The following GLIS3 variants were observed in gnomAD, a reference collection of about 807,000 sequenced individuals.
The protein encoded by GLIS3 is zinc finger protein GLIS3.
GLIS3 carries 53 observed loss-of-function variants against 78.6 expected under a neutral mutation model. The ratio of observed to expected loss-of-function variants is 0.67; its 90% CI spans 0.54 to 0.85. GLIS3 has a LOEUF of 0.85. Ranked by LOEUF, GLIS3 falls within the 40% of genes least tolerant of loss-of-function variation. The probability of loss-of-function intolerance (pLI) is 0.00; values close to 1 mark genes in which losing one functional copy is unlikely to be tolerated. For missense variants in GLIS3, 1,703 were observed against 1,231.1 expected, an observed-to-expected ratio of 1.38 and a Z score of -5.74; for synonymous variants, 684 against 509.9, an observed-to-expected ratio of 1.34 and a Z score of -4.60.
rs1817691106 is a variant in GLIS3 at position 3,825,738 on chromosome 9, GGAAGGCATCT to G, written c.*2524_*2533del. The G allele has an allele frequency of 6.6e-6, 1 of 152,290 alleles. No individual in the cohort carries two copies. The highest frequency in any genetic ancestry group is 2.4e-5 in the African/African-American group (1 of 41,548). The allele number at this position is 152,290 out of a possible 1,614,324, so 9.4% of individuals were successfully genotyped here. A position where few individuals can be genotyped will look rare whatever the true frequency, so the allele number is the denominator to read the frequency against. On this transcript the variant is annotated 3_prime_UTR_variant, in exon 11 of 11. Coordinates refer to ENST00000381971, the MANE Select transcript of GLIS3 (RefSeq NM_001042413.2). Reference sequence around the variant, plus strand: ...AATCTAAGCATAGTGTGTGTAGTCTGGAAGGCATCTGAACGTGTCCTATCCTGAGGCTGCA... The same window carrying G: ...AATCTAAGCATAGTGTGTGTAGTCTGGAACGTGTCCTATCCTGAGGCTGCA...
At chr9:4,210,682 A>C (rs536820701) in intron 2 of GLIS3, among the ~76,000 whole-genome samples, 2 of 152,232 alleles carry the variant, frequency 1.3e-5, no homozygotes, top group Non-Finnish European at 2.9e-5. Context: ...CAAAATAAGG[A>C]AAGAAATACA....
At chr9:4,380,484 T>C in the GLIS3 span, among the ~76,000 whole-genome samples, 29,680 of 152,154 alleles carry the variant, frequency 0.2, 3,278 homozygotes, top group East Asian at 0.37. Context: ...AAAATTTAAA[T>C]GTCAGAGCTG....
At chr9:3,974,876 G>C (rs748117186) in intron 4 of GLIS3, among the ~76,000 whole-genome samples, 2 of 152,014 alleles carry the variant, frequency 1.3e-5, no homozygotes, top group Non-Finnish European at 2.9e-5. Context: ...CTAAGAAAAG[G>C]TGAATATTCA....
chr9:4,110,603 C>A (rs552725517), intron 4 of GLIS3, among the ~76,000 whole-genome samples: 1 of 152,228 alleles, frequency 6.6e-6, no homozygotes, highest in African/African-American at 2.4e-5. Context: ...ACCTATTAGA[C>A]AGATTGGTCT....
At chr9:4,430,118 C>T in the GLIS3 span, among the ~76,000 whole-genome samples, 1 of 152,200 alleles carries the variant, frequency 6.6e-6, no homozygotes, top group Admixed American at 6.5e-5. Context: ...AACTCTGATG[C>T]CTACAGATGT....
At chr9:4,105,669 GA>G (rs1830696271) in intron 4 of GLIS3, among the ~76,000 whole-genome samples, 1 of 152,126 alleles carries the variant, frequency 6.6e-6, no homozygotes, top group Non-Finnish European at 1.5e-5. Flanking sequence ...CTGAATTCTT[GA>G]AAAGTGATAG....
At chr9:4,213,630 C>A (rs1243989932) in intron 2 of GLIS3, among the ~76,000 whole-genome samples, 2 of 152,168 alleles carry the variant, frequency 1.3e-5, no homozygotes, top group African/African-American at 4.8e-5. Context: ...TTGAACAGCA[C>A]ACTAGACATT....
At chr9:4,453,304 T>G in the GLIS3 span, among the ~76,000 whole-genome samples, 1 of 118,786 alleles carries the variant, frequency 8.4e-6, no homozygotes, top group South Asian at 2.8e-4. Flanking sequence ...AAGTCAAAAT[T>G]GACAAATGGG....
chr9:4,132,276 C>A (rs551464656), intron 2 of GLIS3, among the ~76,000 whole-genome samples: 1 of 147,976 alleles, frequency 6.8e-6, no homozygotes, highest in Non-Finnish European at 1.5e-5. Context: ...TACATTCTAG[C>A]CAAAATCACT....
At chr9:4,432,937 C>T in the GLIS3 span, among the ~76,000 whole-genome samples, 1 of 152,234 alleles carries the variant, frequency 6.6e-6, no homozygotes, top group African/African-American at 2.4e-5. Flanking sequence ...TGTGAGCTAC[C>T]ACACCCAGCA....
chr9:4,231,933 C>T (rs957909344), intron 2 of GLIS3, among the ~76,000 whole-genome samples: 1 of 152,136 alleles, frequency 6.6e-6, no homozygotes, highest in African/African-American at 2.4e-5. Flanking sequence ...AAAGCCCCAC[C>T]CTCTGATCCA....
the GLIS3 span, among the ~76,000 whole-genome samples, chr9:4,372,959 C>T: frequency 4.6e-5 from 7 of 152,158 alleles, no homozygotes; most frequent in African/African-American, 1.7e-4. Flanking sequence ...TACCTCAGGG[C>T]CTTGTGCAGT....
intron 2 of GLIS3, among the ~76,000 whole-genome samples, chr9:4,248,361 G>T (rs1824008516): frequency 6.6e-6 from 1 of 151,822 alleles, no homozygotes; most frequent in Non-Finnish European, 1.5e-5. Flanking sequence ...TTCCTGTGTT[G>T]ATTTGCTGAG....
At chr9:4,157,477 G>A (rs932816455) in intron 2 of GLIS3, among the ~76,000 whole-genome samples, 1 of 152,110 alleles carries the variant, frequency 6.6e-6, no homozygotes, top group Non-Finnish European at 1.5e-5. Context: ...TTTGGGGTGG[G>A]GAGCAGAGAG....
chr9:4,326,984 G>T (rs1817610104), intron 2 of GLIS3, among the ~76,000 whole-genome samples: 2 of 152,184 alleles, frequency 1.3e-5, no homozygotes, highest in Admixed American at 1.3e-4. Flanking sequence ...GCTGACACTA[G>T]GGGTACAGCA....
At chr9:4,189,685 G>C (rs371737470) in intron 2 of GLIS3, among the ~76,000 whole-genome samples, 1 of 152,128 alleles carries the variant, frequency 6.6e-6, no homozygotes, top group Non-Finnish European at 1.5e-5. Context: ...CTCCTGTACT[G>C]GGTGCATATA....
At chr9:4,401,928 G>GA in the GLIS3 span, among the ~76,000 whole-genome samples, 11 of 152,320 alleles carry the variant, frequency 7.2e-5, no homozygotes, top group African/African-American at 1.4e-4. Flanking sequence ...GCAAGAGCGG[G>GA]AAGCACTTTA....
chr9:4,142,123 T>A (rs1833859627), intron 2 of GLIS3, among the ~76,000 whole-genome samples: 1 of 152,126 alleles, frequency 6.6e-6, no homozygotes. Flanking sequence ...TTCTTTCCCA[T>A]CAAAATGAAA....
chr9:4,332,508 G>T (rs149030615), intron 2 of GLIS3, among the ~76,000 whole-genome samples: 1 of 152,110 alleles, frequency 6.6e-6, no homozygotes, highest in African/African-American at 2.4e-5. Flanking sequence ...CCTCTCTCCC[G>T]TCTTGCTGGC....
Sources: allele counts gnomAD v4.1 joint callset (sites outside exome capture counted in the v4.1 genomes callset), GRCh38; gene constraint gnomAD v4.1.1; transcripts MANE v1.5; gene names NCBI Gene and HGNC (gene_info 2026-07-23, HGNC 2026-07-21).